The following PEG3 variants were observed in gnomAD, a reference collection of about 807,000 sequenced individuals.
PEG3 encodes the protein paternally expressed 3, also known as paternally-expressed gene 3 protein.
A neutral mutation model predicts 35.5 loss-of-function variants in PEG3; 23 were observed. The ratio of observed to expected loss-of-function variants is 0.65; its 90% CI spans 0.47 to 0.92. The LOEUF (loss-of-function observed/expected upper bound fraction) is 0.92. Among genes scored for constraint, PEG3 ranks in the 40% least tolerant of loss-of-function variants. The pLI is 0.00. For missense variants in PEG3, 1,960 were observed against 1,985.3 expected (o/e 0.99, Z 0.24); for synonymous variants, 707 against 697.0 (o/e 1.01, Z -0.23).
chr19:56,824,212 G>A (rs757371252), intron 4 of PEG3, 50 bp downstream of exon 4: 1 of 1,583,936 alleles, frequency 6.3e-7, no homozygotes, highest in Middle Eastern at 2.1e-4. Flanking sequence ...AGAGCCCCAG[G>A]GGACACCTGA....
chr19:56,829,465 C>A (rs2061376607), intron 2 of PEG3, among the ~76,000 whole-genome samples: 1 of 152,010 alleles, frequency 6.6e-6, no homozygotes, highest in South Asian at 2.1e-4. Flanking sequence ...ACATTTTACA[C>A]ATGGAATGGT....
At chr19:56,832,683 G>A (rs186013838) in intron 2 of PEG3, among the ~76,000 whole-genome samples, 6 of 152,284 alleles carry the variant, frequency 3.9e-5, no homozygotes, top group Admixed American at 6.5e-5. Flanking sequence ...GAGGAGAGGC[G>A]CCAAGTGATG....
At chr19:56,824,171 A>G (rs1433351885) in intron 4 of PEG3, 91 bp downstream of exon 4, 1 of 1,524,556 alleles carries the variant, frequency 6.6e-7, no homozygotes, top group Admixed American at 2.0e-5. Flanking sequence ...AGAGTTATCC[A>G]GTCCAGACCA....
rs987831390 is a variant in PEG3 at position 56,811,056 on chromosome 19, C to T, written c.*2619G>A. On this transcript the variant is annotated 3_prime_UTR_variant, in exon 10 of 10. Coordinates refer to ENST00000326441, the MANE Select transcript of PEG3 (RefSeq NM_006210.3). Reference sequence around the variant, plus strand: ...ACCTGTGCACAGAAACAAGAATGAACAAGATAAGAGGAGAGTATATGTCTT... The same window carrying T: ...ACCTGTGCACAGAAACAAGAATGAATAAGATAAGAGGAGAGTATATGTCTT... 1.0e-6 allele frequency: 1 copy of T among 976,884 alleles called. No individual in the cohort carries two copies. The highest frequency in any genetic ancestry group is 1.2e-6 in the Non-Finnish European group (1 of 824,142). 60.5% of individuals were successfully genotyped at this position (976,884 alleles called of 1,614,324 possible).
rs765581136 is a variant in PEG3 at position 56,824,437 on chromosome 19, A to G, written c.219T>C (p.Asp73=). Residue 73 remains aspartate (D), a synonymous_variant, in exon 4 of 10, where the codon GAT becomes GAC. Coordinates refer to ENST00000326441, the MANE Select transcript of PEG3 (RefSeq NM_006210.3). ...TLIKLRNLCL[D]WLQPETRTKE... is the part of the protein sequence containing the mutation. ...TGGTGCGGGTCTCCGGCTGCAACCA[A>G]TCGAGGCAGAGGTTTCGGAGTTTGA... 3.1e-6 allele frequency: 5 copies of G among 1,613,998 alleles called. No individual in the cohort carries two copies. The highest frequency in any genetic ancestry group is 4.5e-5 in the East Asian group (2 of 44,876).
intron 2 of PEG3, among the ~76,000 whole-genome samples, chr19:56,827,118 T>A (rs2061115725): frequency 6.6e-6 from 1 of 152,192 alleles, no homozygotes; most frequent in Admixed American, 6.5e-5. Context: ...AAACTTTCTG[T>A]GAATAAAATA....
Position 56,824,393 on chromosome 19 carries a change from A to C in PEG3, c.263T>G (p.Leu88Arg), listed in dbSNP as rs1370916555. ...GGTCAGGTACTGCTCAAGGACCAAG[A>C]GCTCGATGATCTCCTCCTTGGTGCG... The part of the protein sequence containing the change: ...ETRTKEEIIE[L>R]LVLEQYLTII... Residue 88 changes from leucine to arginine, a missense_variant, in exon 4 of 10, where the codon CTC becomes CGC. Leu to Arg is a moderately radical substitution (Grantham distance 102). Transcript: ENST00000326441. 3.7e-6 allele frequency: 6 copies of C among 1,614,004 alleles called. No homozygotes were observed. In the East Asian group the frequency reaches 1.3e-4, roughly 36 times the overall value.
intron 2 of PEG3, among the ~76,000 whole-genome samples, chr19:56,835,312 T>C (rs1474210419): frequency 6.6e-6 from 1 of 152,202 alleles, no homozygotes; most frequent in Non-Finnish European, 1.5e-5. Context: ...TTACAAGTCT[T>C]TTCACAATGA....
chr19:56,824,106 G>A (rs572418462), intron 4 of PEG3, among the ~76,000 whole-genome samples, 156 bp downstream of exon 4: 43 of 152,274 alleles, frequency 2.8e-4, no homozygotes, highest in African/African-American at 9.6e-4. Context: ...AGAAAATCAT[G>A]ATGCAGCTCA....
At chr19:56,826,277 A>G (rs2061023045) in intron 3 of PEG3, 111 bp downstream of exon 3, 1 of 152,286 alleles carries the variant, frequency 6.6e-6, no homozygotes, top group South Asian at 2.1e-4. Context: ...AGGCAAGGGC[A>G]GACGGCCCAA....
rs1043462636 is a variant in PEG3, at chr19:56,813,001, A to G, written c.*674T>C. On this transcript the variant is annotated 3_prime_UTR_variant, in exon 10 of 10. Transcript: ENST00000326441. ...GATGAAATGGCTGCAGAAAGAAGCT[A>G]AAGTACTTATCTTTTCAAACAGTAA... The G allele has an allele frequency of 3.0e-6, 3 of 985,502 alleles. No individual in the cohort carries two copies. The highest frequency in any genetic ancestry group is 2.3e-4 in the East Asian group (2 of 8,824). 61.0% of individuals were successfully genotyped at this position (985,502 alleles called of 1,614,324 possible).
At position 56,816,124 on chromosome 19, in the gene PEG3, G is replaced by T. The variant is rs753236318; in HGVS notation, c.2318C>A (p.Ser773Ter). The change falls in exon 10 of 10, where the codon TCA becomes TAA. Residue 773 changes from serine (S) to a stop codon, truncating the protein, a stop_gained. Transcript: ENST00000326441. LOFTEE classifies it low-confidence loss of function (END_TRUNC). ...GCTATGAATAACAGACCTCTCATAT[G>T]ATTTTGCCTCATAGACATTTTCCTT... is the stretch of plus-strand genomic sequence containing the variant. The part of the protein sequence containing the change: ...PTKENVYEAK[S>*]YERSVIHSLA... 1 of 1,613,402 alleles carries T rather than the reference G, an allele frequency of 6.2e-7. No individual in the cohort carries two copies. Among genetic ancestry groups the T allele is most frequent in the Non-Finnish European group, 8.5e-7 (1 of 1,179,580 alleles).
chr19:56,815,255 A>C lies in PEG3; in HGVS notation c.3187T>G (p.Ser1063Ala). ...YDQEKSHGEE[S>A]QGENTDGEET... is the part of the protein sequence containing the mutation. The stretch of plus-strand genomic sequence containing the variant: ...TCCCCATCAGTATTCTCGCCTTGAG[A>C]CTCCTCGCCATGAGACTTCTCTTGG... The change falls in exon 10 of 10, where the codon TCT becomes GCT. Residue 1063 changes from serine (S) to alanine (A), a missense_variant. Physicochemically the swap from Ser to Ala is moderately conservative, Grantham distance 99 (BLOSUM62 1). This residue lies in a region of PEG3 where 798 missense variants were observed against 782.4 expected (regional missense o/e 1.02). Coordinates refer to ENST00000326441, the MANE Select transcript of PEG3 (RefSeq NM_006210.3). 2.5e-6 allele frequency: 4 copies of C among 1,613,008 alleles called. No homozygotes were observed. The highest frequency in any genetic ancestry group is 2.5e-6 in the Non-Finnish European group (3 of 1,179,736).
rs779530041 is a variant in PEG3, at chr19:56,823,653, C to T, written c.421G>A (p.Asp141Asn). 6 of 1,613,990 alleles carry T rather than the reference C, an allele frequency of 3.7e-6. No homozygotes were observed. Among genetic ancestry groups the T allele is most frequent in the Admixed American group, 1.7e-5 (1 of 60,000 alleles). ...CTTCTGTTCCGGGTCATGTCGTCGT[C>T]GCTGGTCACGTCACTGTTGTTGTCG... ...EDDNNSDVTS[D>N]DDMTRNRRES... Residue 141 changes from aspartate (D) to asparagine (N), a missense_variant, in exon 5 of 10, where the codon GAC (aspartate) becomes AAC (asparagine). Asp to Asn is a conservative substitution (Grantham distance 23). This residue lies in a region of PEG3 where 613 missense variants were observed against 577.1 expected (regional missense o/e 1.06). Transcript: ENST00000326441.
rs1412473724 is a variant in PEG3, at chr19:56,815,204, C to A, written c.3238G>T (p.Gly1080Cys). ...ACAGGGTCTTCAATTGTCTCCTGAC[C>A]ATGGGTCTCCTCGCTGTGGGTCTCC... is the stretch of plus-strand genomic sequence containing the variant. ...GEETHSEETHGQETIEDPVIQ... is the reference protein window; with the variant it reads ...GEETHSEETHCQETIEDPVIQ... The change falls in exon 10 of 10, where the codon GGT (glycine) becomes TGT (cysteine). Residue 1080 changes from glycine to cysteine, a missense_variant. This residue lies in a region of PEG3 where 798 missense variants were observed against 782.4 expected (regional missense o/e 1.02). Coordinates refer to ENST00000326441, the MANE Select transcript of PEG3 (RefSeq NM_006210.3). 6.2e-7 allele frequency: 1 copy of A among 1,613,962 alleles called. No individual in the cohort carries two copies. Among genetic ancestry groups the A allele is most frequent in the Admixed American group, 1.7e-5 (1 of 60,010 alleles).
chr19:56,821,066 C>T (rs1466264809), intron 7 of PEG3, among the ~76,000 whole-genome samples: 1 of 152,252 alleles, frequency 6.6e-6, no homozygotes, highest in Admixed American at 6.5e-5. Flanking sequence ...CCACAACTGC[C>T]ATAATTGTTA....
intron 7 of PEG3, 67 bp from the exon 8 acceptor site, chr19:56,818,769 T>G: frequency 6.4e-7 from 1 of 1,558,762 alleles, no homozygotes; most frequent in Non-Finnish European, 8.8e-7. Context: ...CAGAATAATG[T>G]TGGCAACATG....
chr19:56,825,376 C>T (rs762200619), intron 3 of PEG3, among the ~76,000 whole-genome samples: 5 of 152,232 alleles, frequency 3.3e-5, no homozygotes, highest in African/African-American at 9.6e-5. Context: ...TGCTACTGCA[C>T]GTTCTTTTGC....
intron 1 of PEG3, among the ~76,000 whole-genome samples, chr19:56,837,956 G>C (rs2062376945): frequency 6.6e-6 from 1 of 152,196 alleles, no homozygotes; most frequent in Non-Finnish European, 1.5e-5. Context: ...TGCTCTATCA[G>C]ACAAGACACA....
Sources: allele counts gnomAD v4.1 joint callset (sites outside exome capture counted in the v4.1 genomes callset), GRCh38; gene constraint gnomAD v4.1.1; regional missense constraint gnomAD v4.1.1; transcripts MANE v1.5; gene names NCBI Gene and HGNC (gene_info 2026-07-23, HGNC 2026-07-21).